Variants in CECR2 observed in about 807,000 individuals in gnomAD.
CECR2 encodes CECR2 histone acetyl-lysine reader.
In CECR2, 30 loss-of-function variants were observed where a neutral mutation model predicts 154.5. The ratio of observed to expected loss-of-function variants is 0.19; its 90% CI spans 0.15 to 0.26. The LOEUF is 0.26. Among genes scored for constraint, CECR2 ranks in the 10% least tolerant of loss-of-function variants. The probability of loss-of-function intolerance (pLI) is 1.00; values close to 1 mark genes in which losing one functional copy is unlikely to be tolerated. For synonymous variants in CECR2, 725 were observed against 683.7 expected, an observed-to-expected ratio of 1.06 and a Z score of -0.94; for missense variants, 1,743 against 1,829.3, an observed-to-expected ratio of 0.95 and a Z score of 0.86.
In CECR2 at chr22:17,541,781, C is replaced by T. The variant is rs139717549; in HGVS notation, c.1885-58C>T. ...TCATCTTCAGGAAAACCCTTGTTGT[C>T]AACCTAAAGTCTGTGCCTTTCCTTT... On this transcript the variant is annotated intron_variant, in intron 14 of 18. Transcript: ENST00000262608. 32 of 1,539,828 alleles carry T rather than the reference C, an allele frequency of 2.1e-5. No homozygotes were observed. In the East Asian group the frequency reaches 6.9e-4, roughly 33 times the overall value.
intron 17 of CECR2, 54 bp from the exon 18 acceptor site, chr22:17,551,977 C>T: frequency 6.5e-7 from 1 of 1,545,140 alleles, no homozygotes; most frequent in Non-Finnish European, 8.9e-7. Flanking sequence ...CTTGTTTCTT[C>T]TGTCGTTAAC....
chr22:17,378,194 A>C (rs1189645002), intron 1 of CECR2, among the ~76,000 whole-genome samples: 1 of 151,086 alleles, frequency 6.6e-6, no homozygotes, highest in Admixed American at 6.6e-5. Flanking sequence ...CGTGTTAGCC[A>C]GGATGGTCTG....
At chr22:17,462,844 G>A (rs1569097955) in intron 1 of CECR2, among the ~76,000 whole-genome samples, 1 of 151,952 alleles carries the variant, frequency 6.6e-6, no homozygotes, top group African/African-American at 2.4e-5. Context: ...CCTGGGAGGT[G>A]GAGGTTGCAG....
At chr22:17,425,195 G>A (rs913000769) in intron 1 of CECR2, among the ~76,000 whole-genome samples, 1 of 151,994 alleles carries the variant, frequency 6.6e-6, no homozygotes, top group Non-Finnish European at 1.5e-5. Context: ...GCGTCCAAGT[G>A]TAGTGTGGTA....
rs1414370312 is a variant in CECR2, at chr22:17,369,888, C to G, written c.105C>G (p.Arg35=). Residue 35 remains arginine, a synonymous_variant, in exon 1 of 19, where the codon CGC becomes CGG. Coordinates refer to ENST00000262608, the MANE Select transcript of CECR2 (RefSeq NM_001290047.2). ...GCTCGCTCTTTCGCACCGCGTTCCG[C>G]CTGCCCGACTTCGAGATCGAGGTGA... ...HFCSLFRTAF[R]LPDFEIEELE... 2.6e-5 allele frequency: 4 copies of G among 151,198 alleles called. No individual in the cohort carries two copies. The highest frequency in any genetic ancestry group is 1.5e-5 in the Non-Finnish European group (1 of 67,742). 9.4% of individuals were successfully genotyped at this position (151,198 alleles called of 1,614,324 possible).
At chr22:17,524,839 T>G (rs987118852) in intron 9 of CECR2, 1 of 403,626 alleles carries the variant, frequency 2.5e-6, no homozygotes, top group African/African-American at 2.2e-5. Flanking sequence ...CCAGCTAATG[T>G]TTGTATTTTT....
intron 1 of CECR2, among the ~76,000 whole-genome samples, chr22:17,384,196 C>G (rs2063233552): frequency 6.6e-6 from 1 of 152,056 alleles, no homozygotes; most frequent in South Asian, 2.1e-4. Flanking sequence ...TTTGCTTTGC[C>G]CAGATTCATC....
At chr22:17,544,377 AGTCCCAGC>A (rs1424362773) in intron 16 of CECR2, among the ~76,000 whole-genome samples, 2 of 151,650 alleles carry the variant, frequency 1.3e-5, no homozygotes, top group African/African-American at 2.4e-5. Flanking sequence ...AGGCGCCTGT[AGTCCCAGC>A]TACTCCGGAG....
chr22:17,538,453 G>T, intron 10 of CECR2, 67 bp from the exon 11 acceptor site: 1 of 1,381,538 alleles, frequency 7.2e-7, no homozygotes, highest in South Asian at 1.2e-5. Flanking sequence ...GTCTGCGATA[G>T]ACCTGAGAGA....
At position 17,447,033 on chromosome 22, in the gene CECR2, C is replaced by CTGTTTT. The variant is rs1339121774; in HGVS notation, c.127-30554_127-30553insGTTTTT. On this transcript the variant is annotated intron_variant, in intron 1 of 18. Coordinates refer to ENST00000262608, the MANE Select transcript of CECR2 (RefSeq NM_001290047.2). Reference sequence around the variant, plus strand: ...GAGTGCTGAGTGGTGCGTTTACAATCTTTTTTTTTTTTTTTTTTTGAGACA... The same window carrying CTGTTTT: ...GAGTGCTGAGTGGTGCGTTTACAATCTGTTTTTTTTTTTTTTTTTTTTTTTGAGACA... Among the ~76,000 whole-genome samples, 27 of 114,102 alleles carry CTGTTTT rather than the reference C, an allele frequency of 2.4e-4. 1 individual carries two copies. In the South Asian group the frequency reaches 6.9e-3, roughly 29 times the overall value. 74.9% of individuals were successfully genotyped at this position (114,102 alleles called of 152,430 possible). A position where few individuals can be genotyped will look rare whatever the true frequency, so the allele number is the denominator to read the frequency against.
intron 1 of CECR2, among the ~76,000 whole-genome samples, chr22:17,421,948 CCTT>C (rs2054261327): frequency 6.6e-6 from 1 of 151,058 alleles, no homozygotes; most frequent in Non-Finnish European, 1.5e-5. Flanking sequence ...TCTTTATTCT[CCTT>C]CACTACACAA....
intron 1 of CECR2, among the ~76,000 whole-genome samples, chr22:17,453,673 C>T (rs1047017043): frequency 6.6e-6 from 1 of 152,088 alleles, no homozygotes; most frequent in African/African-American, 2.4e-5. Flanking sequence ...ACATGACTGG[C>T]ACAAGAATTA....
intron 17 of CECR2, chr22:17,550,195 T>A (rs1237887231): frequency 6.5e-6 from 1 of 152,892 alleles, no homozygotes; most frequent in Non-Finnish European, 1.5e-5. Context: ...TGGCCCAGGG[T>A]GGAGTGCAGT....
chr22:17,448,566 C>G (rs1416449828), intron 1 of CECR2, among the ~76,000 whole-genome samples: 1 of 152,148 alleles, frequency 6.6e-6, no homozygotes, highest in East Asian at 1.9e-4. Flanking sequence ...AGCCCTAAGT[C>G]ACTGCTTTCT....
intron 2 of CECR2, among the ~76,000 whole-genome samples, chr22:17,493,221 C>T (rs1171867563): frequency 2.0e-5 from 3 of 152,194 alleles, no homozygotes; most frequent in African/African-American, 7.2e-5. Flanking sequence ...ATCTGCCCAT[C>T]TCGGCCTCCC....
intron 1 of CECR2, among the ~76,000 whole-genome samples, chr22:17,436,156 C>A (rs1360205755): frequency 6.6e-6 from 1 of 152,110 alleles, no homozygotes; most frequent in Non-Finnish European, 1.5e-5. Flanking sequence ...GACGGGGTTT[C>A]ACGGTGTTAG....
chr22:17,549,791 T>TG (rs991728925), intron 17 of CECR2, among the ~76,000 whole-genome samples: 6 of 146,836 alleles, frequency 4.1e-5, no homozygotes, highest in South Asian at 4.4e-4. Flanking sequence ...TTGGTTTTTT[T>TG]TTTTTTTTTT....
rs149809697 is a variant in CECR2, at chr22:17,540,019, C to T, written c.1496-393C>T. Among the ~76,000 whole-genome samples the T allele has an allele frequency of 3.7e-4, 57 of 152,210 alleles. 1 individual carries two copies. The East Asian group carries it at 8.9e-3, about 24-fold the overall frequency. On this transcript the variant is annotated intron_variant, in intron 13 of 18. Coordinates refer to ENST00000262608, the MANE Select transcript of CECR2 (RefSeq NM_001290047.2). ...GCTAATGTTTTCTTTTTGGTAGGGA[C>T]GGGTGTCTCACTTTCTTGCCCAGTC...
rs749594416 is a variant in CECR2, at chr22:17,549,243, A to G, written c.3956A>G (p.Tyr1319Cys). 2.5e-6 allele frequency: 4 copies of G among 1,614,008 alleles called. No homozygotes were observed. Among genetic ancestry groups the G allele is most frequent in the African/African-American group, 1.3e-5 (1 of 75,038 alleles). The part of the protein sequence containing the change: ...QSSLSASEYL[Y>C]GTPPPLSSGM... ...TCGTTGTCAGCCAGCGAGTATCTCT[A>G]TGGAACTCCTCCGCCTCTGAGTTCA... Residue 1319 changes from tyrosine to cysteine, a missense_variant, in exon 17 of 19, where the codon TAT becomes TGT. By Grantham distance (194) the Tyr-to-Cys change is radical. Transcript: ENST00000262608.
Sources: gnomAD v4.1 joint callset for allele counts (sites outside exome capture counted in the v4.1 genomes callset) on GRCh38, gnomAD v4.1.1 for gene constraint, MANE v1.5 for transcripts, NCBI Gene and HGNC (gene_info 2026-07-23, HGNC 2026-07-21) for gene names.